HSPG2: variants seen among roughly 807,000 people sequenced by gnomAD.
HSPG2 encodes the protein basement membrane-specific heparan sulfate proteoglycan core protein.
HSPG2 carries 278 observed loss-of-function variants against 526.6 expected under a neutral mutation model. That is an observed-to-expected ratio of 0.53 (90% CI 0.48 to 0.58). The LOEUF is 0.58. Among genes scored for constraint, HSPG2 ranks in the 20% least tolerant of loss-of-function variants. HSPG2 has a pLI of 0.00. For missense variants in HSPG2, 5,354 were observed against 6,099.5 expected (o/e 0.88, Z 4.07); for synonymous variants, 2,465 against 2,555.4 (o/e 0.96, Z 1.07).
At chr1:21,834,193 G>A (rs1239259150) in intron 77 of HSPG2, among the ~76,000 whole-genome samples, 1 of 152,238 alleles carries the variant, frequency 6.6e-6, no homozygotes, top group African/African-American at 2.4e-5. Context: ...GCCCTTTGGG[G>A]ACCTGAGAAG....
rs761013915 is a variant in HSPG2 at position 21,887,452 on chromosome 1, T to C, written c.926A>G (p.Asp309Gly). Residue 309 changes from aspartate (D) to glycine (G), a missense_variant, in exon 8 of 97, where the codon GAC (aspartate) becomes GGC (glycine). Coordinates refer to ENST00000374695, the MANE Select transcript of HSPG2 (RefSeq NM_005529.7). The surrounding 1 kb of genome is among the most constrained non-coding windows in gnomAD (Gnocchi z 5.0). The stretch of plus-strand genomic sequence containing the variant: ...TAGCTCATCGCTGCCGTCCTCGCAG[T>C]CCTCCTGTCCGTCGCAGAGGTAGTC... ...PRDYLCDGQEDCEDGSDELDC... is the reference protein window; with the variant it reads ...PRDYLCDGQEGCEDGSDELDC... 6.2e-7 allele frequency: 1 copy of C among 1,613,984 alleles called. No homozygotes were observed. The highest frequency in any genetic ancestry group is 1.1e-5 in the South Asian group (1 of 91,068).
Position 21,893,307 on chromosome 1 carries a change from A to C in HSPG2, c.245-2613T>G, listed in dbSNP as rs1012375253. ...GCTGCACCCATCTCTGCCCGTCAAC[A>C]CCCCATGGGGAAGAACGCCCGCCAG... On this transcript the variant is annotated intron_variant, in intron 3 of 96. Transcript: ENST00000374695. The surrounding 1 kb of genome is among the most constrained non-coding windows in gnomAD (Gnocchi z 4.3). 2.0e-5 allele frequency among the ~76,000 whole-genome samples: 3 copies of C among 151,878 alleles called. No individual in the cohort carries two copies. The highest frequency in any genetic ancestry group is 4.4e-5 in the Non-Finnish European group (3 of 67,964).
intron 75 of HSPG2, among the ~76,000 whole-genome samples, chr1:21,836,037 G>T (rs2098025147): frequency 6.6e-6 from 1 of 150,512 alleles, no homozygotes; most frequent in Admixed American, 6.6e-5. Context: ...ATTAAAAACT[G>T]ATGTAGAACA....
chr1:21,868,590 T>C (rs749409957), intron 33 of HSPG2, among the ~76,000 whole-genome samples: 2 of 152,114 alleles, frequency 1.3e-5, no homozygotes, highest in Non-Finnish European at 2.9e-5. Context: ...GGCCAGCATC[T>C]AGACACAAGG....
At position 21,839,609 on chromosome 1, in the gene HSPG2, G is replaced by C; in HGVS notation, c.9710-59C>G. 6.3e-7 allele frequency: 1 copy of C among 1,585,022 alleles called. No homozygotes were observed. Among genetic ancestry groups the C allele is most frequent in the Non-Finnish European group, 8.6e-7 (1 of 1,160,816 alleles). ...TGGGCTACCTCAGGGACCCGCAGAG[G>C]GTGGCCATGGTGAGGAAGGGCCCTG... On this transcript the variant is annotated intron_variant, in intron 72 of 96. Transcript: ENST00000374695. This position sits in a 1 kb window ranked among gnomAD's most constrained non-coding sequence, Gnocchi z 4.5.
chr1:21,844,346 C>T (rs775517979), intron 64 of HSPG2, 47 bp from the exon 65 acceptor site: 2 of 1,575,816 alleles, frequency 1.3e-6, no homozygotes, highest in South Asian at 1.1e-5. Context: ...CACCCTGATG[C>T]CCTCAGCCCT....
chr1:21,827,881 C>G lies in HSPG2; in HGVS notation c.12571G>C (p.Glu4191Gln), dbSNP rs374469466. 1.0e-5 allele frequency: 16 copies of G among 1,591,478 alleles called. No homozygotes were observed. The highest frequency in any genetic ancestry group is 1.4e-5 in the Non-Finnish European group (16 of 1,169,140). The stretch of plus-strand genomic sequence containing the variant: ...TACTCACCATTGCCCCCGCTGCCTT[C>G]AAGATGCCAGTCGGACTCTGCTATG... ...HGIAESDWHLEGSGGNDAPGQ... is the reference protein window; with the variant it reads ...HGIAESDWHLQGSGGNDAPGQ... Residue 4191 changes from glutamate to glutamine, a missense_variant, in exon 91 of 97, where the codon GAA becomes CAA. Glu to Gln is a conservative substitution (Grantham distance 29). Coordinates refer to ENST00000374695, the MANE Select transcript of HSPG2 (RefSeq NM_005529.7).
chr1:21,905,769 T>C (rs1643347766), intron 1 of HSPG2, among the ~76,000 whole-genome samples: 1 of 152,086 alleles, frequency 6.6e-6, no homozygotes, highest in African/African-American at 2.4e-5. Flanking sequence ...AATTAATTAA[T>C]GAAGGCTGAG....
chr1:21,918,339 C>A (rs992767414), intron 1 of HSPG2, among the ~76,000 whole-genome samples: 1 of 152,096 alleles, frequency 6.6e-6, no homozygotes, highest in Non-Finnish European at 1.5e-5. Context: ...GTGGCGCACA[C>A]CTGTAGTCCC....
chr1:21,854,101 C>A, intron 50 of HSPG2, 92 bp downstream of exon 50: 1 of 1,363,408 alleles, frequency 7.3e-7, no homozygotes, highest in Non-Finnish European at 9.9e-7. Flanking sequence ...CCTGGAATGC[C>A]CCCCTGTCCT....
chr1:21,890,835 A>C lies in HSPG2; in HGVS notation c.245-141T>G. 1 of 707,002 alleles carries C rather than the reference A, an allele frequency of 1.4e-6. No individual in the cohort carries two copies. The highest frequency in any genetic ancestry group is 2.6e-6 in the Non-Finnish European group (1 of 391,670). 43.8% of individuals were successfully genotyped at this position (707,002 alleles called of 1,614,324 possible). On this transcript the variant is annotated intron_variant, in intron 3 of 96. Transcript: ENST00000374695. The surrounding 1 kb of genome is among the most constrained non-coding windows in gnomAD (Gnocchi z 4.1). ...CTGACACCTGTGTGCCCACTGCTAC[A>C]CCCAGGACTGCCTGTAGGTATACAT...
In HSPG2 at chr1:21,893,639, G is replaced by A. The variant is rs1182880007; in HGVS notation, c.244+2283C>T. On this transcript the variant is annotated intron_variant, in intron 3 of 96. Transcript: ENST00000374695. This position sits in a 1 kb window ranked among gnomAD's most constrained non-coding sequence, Gnocchi z 4.3. ...CGAGACCATCATGCCAGCCACGGGC[G>A]GGCGGCCCAGGGGCTGCCCTGAGCC... 2.6e-5 allele frequency among the ~76,000 whole-genome samples: 4 copies of A among 152,058 alleles called. No homozygotes were observed. The highest frequency in any genetic ancestry group is 2.0e-4 in the Admixed American group (3 of 15,282).
rs556552620 is a variant in HSPG2 at position 21,878,121 on chromosome 1, C to T, written c.2685+65G>A. 9 of 1,457,846 alleles carry T rather than the reference C, an allele frequency of 6.2e-6. No individual in the cohort carries two copies. In the South Asian group the frequency reaches 9.3e-5, roughly 15 times the overall value. 90.3% of individuals were successfully genotyped at this position (1,457,846 alleles called of 1,614,324 possible). On this transcript the variant is annotated intron_variant, in intron 21 of 96. Coordinates refer to ENST00000374695, the MANE Select transcript of HSPG2 (RefSeq NM_005529.7). ...TCTATGGAGAGGACGGAGCTTCCTT[C>T]TTCCTCCTCCCAGCTGTGGTGCTGG...
chr1:21,831,906 T>A, intron 81 of HSPG2, 110 bp from the exon 82 acceptor site: 1 of 1,183,564 alleles, frequency 8.4e-7, no homozygotes, highest in South Asian at 1.6e-5. Flanking sequence ...CACCACTTCC[T>A]GCAGTCCCAG....
At position 21,878,013 on chromosome 1, in the gene HSPG2, C is replaced by T. The variant is rs747546; in HGVS notation, c.2685+173G>A. ...CTCCCTAACCAGTGCTCCTTCCCAA[C>T]GCCAGGCCACCTGTCCTGGTACGGA... On this transcript the variant is annotated intron_variant, in intron 21 of 96. Transcript: ENST00000374695. Among the ~76,000 whole-genome samples, 22,066 of 152,266 alleles carry T rather than the reference C, an allele frequency of 0.14. 2,025 individuals are homozygous for T. Among genetic ancestry groups the T allele is most frequent in the African/African-American group, 0.26 (10,712 of 41,506 alleles).
intron 64 of HSPG2, 143 bp from the exon 65 acceptor site, chr1:21,844,442 G>A (rs1638264551): frequency 1.1e-6 from 1 of 936,008 alleles, no homozygotes; most frequent in Non-Finnish European, 1.6e-6. Context: ...TGGAGCAGCT[G>A]GGCTAGCCTG....
chr1:21,912,870 C>G (rs1437600409), intron 1 of HSPG2, among the ~76,000 whole-genome samples: 2 of 151,980 alleles, frequency 1.3e-5, no homozygotes, highest in Non-Finnish European at 2.9e-5. Flanking sequence ...ATCTCAGCTA[C>G]CTGGGGAGCT....
rs377282304 is a variant in HSPG2, at chr1:21,831,579, G to A, written c.11353-17C>T. Reference sequence around the variant, plus strand: ...GAACTTGCCCTGGGGAGGTGGGGAAGTCAGGAATGGCAACAGAGGCTGGGC... The same window carrying A: ...GAACTTGCCCTGGGGAGGTGGGGAAATCAGGAATGGCAACAGAGGCTGGGC... On this transcript the variant is annotated splice_polypyrimidine_tract_variant and intron_variant, in intron 82 of 96. Transcript: ENST00000374695. 91 of 1,613,960 alleles carry A rather than the reference G, an allele frequency of 5.6e-5. No individual in the cohort carries two copies. Among genetic ancestry groups the A allele is most frequent in the Non-Finnish European group, 7.4e-5 (87 of 1,179,948 alleles).
Position 21,895,869 on chromosome 1 carries a change from G to A in HSPG2, c.244+53C>T. On this transcript the variant is annotated intron_variant, in intron 3 of 96. Coordinates refer to ENST00000374695, the MANE Select transcript of HSPG2 (RefSeq NM_005529.7). The surrounding 1 kb of genome is among the most constrained non-coding windows in gnomAD (Gnocchi z 4.1). ...CCCTCAGCCCAGGAGACTGGCTCTG[G>A]GGCTTCCCTGGGGGACAGGAGGGAG... is the stretch of plus-strand genomic sequence containing the variant. 1.3e-6 allele frequency: 2 copies of A among 1,573,524 alleles called. No individual in the cohort carries two copies. The highest frequency in any genetic ancestry group is 1.7e-6 in the Non-Finnish European group (2 of 1,144,148).
Sources: allele counts gnomAD v4.1 joint callset (sites outside exome capture counted in the v4.1 genomes callset), GRCh38; gene constraint gnomAD v4.1.1; non-coding constraint Gnocchi (gnomAD v3.1); transcripts MANE v1.5; gene names NCBI Gene and HGNC (gene_info 2026-07-23, HGNC 2026-07-21).